The following NEGR1 variants were observed in gnomAD, a reference collection of about 807,000 sequenced individuals.
The protein encoded by NEGR1 is IgLON family member 4.
A neutral mutation model predicts 40.9 loss-of-function variants in NEGR1; 10 were observed. The observed-to-expected ratio is 0.24, with a 90% CI of 0.15 to 0.42. The LOEUF is 0.42. Ranked by LOEUF, NEGR1 falls within the 10% of genes least tolerant of loss-of-function variation. The pLI is 1.00. For missense variants in NEGR1, 352 were observed against 438.9 expected, an observed-to-expected ratio of 0.80 and a Z score of 1.77; for synonymous variants, 185 against 166.8, an observed-to-expected ratio of 1.11 and a Z score of -0.84.
intron 1 of NEGR1, among the ~76,000 whole-genome samples, chr1:71,939,364 G>T (rs1570531140): frequency 6.6e-6 from 1 of 151,952 alleles, no homozygotes; most frequent in African/African-American, 2.4e-5. Flanking sequence ...TGTCTATTTG[G>T]TTGCTTCTAT....
intron 2 of NEGR1, among the ~76,000 whole-genome samples, chr1:71,845,716 GATCT>G (rs66993306): frequency 0.54 from 81,033 of 150,426 alleles, 22,137 homozygotes; most frequent in Admixed American, 0.62. Context: ...AATAGAGCCA[GATCT>G]ATCTATCTAT....
chr1:71,568,995 C>A (rs1648724790), intron 6 of NEGR1, among the ~76,000 whole-genome samples: 1 of 151,524 alleles, frequency 6.6e-6, no homozygotes, highest in African/African-American at 2.4e-5. Flanking sequence ...TGGTTCACTG[C>A]AACCTCCACC....
chr1:71,618,312 T>C (rs1650508012), intron 4 of NEGR1, among the ~76,000 whole-genome samples: 1 of 152,138 alleles, frequency 6.6e-6, no homozygotes, highest in African/African-American at 2.4e-5. Context: ...CAGAAAAGAC[T>C]CACTTACTTG....
In NEGR1 at chr1:72,233,852, G is replaced by C. The variant is rs149898693; in HGVS notation, c.176+48467C>G. ...GCTAAATGGTATTTCTGGTTTTAGT[G>C]GTTTGAGAAATCTCCAAACTGCCTG... is the stretch of plus-strand genomic sequence containing the variant. On this transcript the variant is annotated intron_variant, in intron 1 of 6. Coordinates refer to ENST00000357731, the MANE Select transcript of NEGR1 (RefSeq NM_173808.3). Among the ~76,000 whole-genome samples, 6 of 152,000 alleles carry C rather than the reference G, an allele frequency of 3.9e-5. No homozygotes were observed. The East Asian group carries it at 1.2e-3, about 29-fold the overall frequency.
At chr1:72,034,273 A>C (rs1203549447) in intron 1 of NEGR1, among the ~76,000 whole-genome samples, 2 of 152,174 alleles carry the variant, frequency 1.3e-5, no homozygotes. Context: ...GTACTGTTTT[A>C]TTTCTTTAGC....
intron 1 of NEGR1, among the ~76,000 whole-genome samples, chr1:72,204,715 T>C (rs1214730079): frequency 8.6e-6 from 1 of 116,138 alleles, no homozygotes; most frequent in Non-Finnish European, 2.2e-5. Flanking sequence ...GCCTTAAATA[T>C]AAATAATATA....
At chr1:71,634,625 A>AT in intron 4 of NEGR1, among the ~76,000 whole-genome samples, 1 of 152,108 alleles carries the variant, frequency 6.6e-6, no homozygotes. Flanking sequence ...TCTTGAATTG[A>AT]TTTTAGGACT....
chr1:72,149,879 C>CAAAA (rs1180110033), intron 1 of NEGR1, among the ~76,000 whole-genome samples: 173 of 38,144 alleles, frequency 4.5e-3, no homozygotes, highest in Middle Eastern at 0.043. Context: ...AAAACTCTGT[C>CAAAA]AAAAAAAAAA....
intron 1 of NEGR1, among the ~76,000 whole-genome samples, chr1:71,973,806 C>T (rs1646278681): frequency 6.6e-6 from 1 of 152,210 alleles, no homozygotes; most frequent in South Asian, 2.1e-4. Context: ...CCTAAAAAGG[C>T]TGCCTGGCTT....
At chr1:71,731,510 T>A (rs1654866073) in intron 3 of NEGR1, among the ~76,000 whole-genome samples, 1 of 152,264 alleles carries the variant, frequency 6.6e-6, no homozygotes, top group South Asian at 2.1e-4. Flanking sequence ...TTAACAGAAC[T>A]ATTGCTAATA....
chr1:71,909,899 TG>T (rs745803396), intron 2 of NEGR1, among the ~76,000 whole-genome samples: 4 of 152,336 alleles, frequency 2.6e-5, no homozygotes, highest in Non-Finnish European at 5.9e-5. Flanking sequence ...AGTCATCAAT[TG>T]TAGTTATGCA....
At chr1:71,438,698 A>C (rs1193314264) in intron 6 of NEGR1, among the ~76,000 whole-genome samples, 1 of 152,218 alleles carries the variant, frequency 6.6e-6, no homozygotes, top group African/African-American at 2.4e-5. Flanking sequence ...ATCCAAGCTC[A>C]CAATTTTGGT....
chr1:71,626,569 T>C (rs1393424066), intron 4 of NEGR1, among the ~76,000 whole-genome samples: 1 of 151,892 alleles, frequency 6.6e-6, no homozygotes, highest in Non-Finnish European at 1.5e-5. Context: ...TATTCCATGC[T>C]GTATAGGCAT....
intron 5 of NEGR1, among the ~76,000 whole-genome samples, chr1:71,600,045 A>T (rs1230206632): frequency 6.6e-6 from 1 of 152,204 alleles, no homozygotes. Context: ...AACTATATTC[A>T]CAAAGAAAAA....
chr1:71,942,479 ATATATTTTTTTTTTTTTTTTTT>A (rs1203637489), intron 1 of NEGR1, among the ~76,000 whole-genome samples: 7 of 16,422 alleles, frequency 4.3e-4, no homozygotes, highest in African/African-American at 1.4e-3. Flanking sequence ...ATATATATAT[ATATATTTTTTTTTTTTTTTTTT>A]TTTTTTTTTT....
In NEGR1 at chr1:71,404,888, A is replaced by G. The variant is rs1646268389; in HGVS notation, c.*2558T>C. 6.6e-6 allele frequency: 1 copy of G among 152,246 alleles called. No homozygotes were observed. Among genetic ancestry groups the G allele is most frequent in the Non-Finnish European group, 1.5e-5 (1 of 67,758 alleles). The allele number at this position is 152,246 out of a possible 1,614,324, so 9.4% of individuals were successfully genotyped here. A position where few individuals can be genotyped will look rare whatever the true frequency, so the allele number is the denominator to read the frequency against. On this transcript the variant is annotated 3_prime_UTR_variant, in exon 7 of 7. Coordinates refer to ENST00000357731, the MANE Select transcript of NEGR1 (RefSeq NM_173808.3). ...ACATTTTATATGTCCATAAATGTAAAATCATCTACTTGAACATTATATGCA... is the reference window on the plus strand; with the variant it reads ...ACATTTTATATGTCCATAAATGTAAGATCATCTACTTGAACATTATATGCA...
At chr1:71,834,912 AGTT>A (rs1443453901) in intron 2 of NEGR1, among the ~76,000 whole-genome samples, 1 of 69,924 alleles carries the variant, frequency 1.4e-5, no homozygotes, top group Non-Finnish European at 2.8e-5. Flanking sequence ...CACACACAGC[AGTT>A]ATCTGTTGCT....
At chr1:72,157,946 C>T (rs1289835694) in intron 1 of NEGR1, among the ~76,000 whole-genome samples, 1 of 152,148 alleles carries the variant, frequency 6.6e-6, no homozygotes, top group Non-Finnish European at 1.5e-5. Context: ...TCAGTGCAAA[C>T]ATCAGGGATT....
intron 2 of NEGR1, among the ~76,000 whole-genome samples, chr1:71,928,983 A>G (rs1450384947): frequency 2.0e-5 from 3 of 152,126 alleles, no homozygotes; most frequent in African/African-American, 7.2e-5. Flanking sequence ...CAAAGGGAAT[A>G]AGAATGAGTA....
Sources: allele counts gnomAD v4.1 joint callset (sites outside exome capture counted in the v4.1 genomes callset), GRCh38; gene constraint gnomAD v4.1.1; transcripts MANE v1.5; gene names NCBI Gene and HGNC (gene_info 2026-07-23, HGNC 2026-07-21).